NUP54: variants seen among roughly 807,000 people sequenced by gnomAD.
The protein encoded by NUP54 is nucleoporin p54.
NUP54 carries 27 observed loss-of-function variants against 66.4 expected under a neutral mutation model. That is an observed-to-expected ratio of 0.41 (90% confidence interval 0.30 to 0.56). The LOEUF (loss-of-function observed/expected upper bound fraction) is 0.56. Ranked by LOEUF, NUP54 falls within the 20% of genes least tolerant of loss-of-function variation. The probability of loss-of-function intolerance (pLI) is 0.34; values close to 1 mark genes in which losing one functional copy is unlikely to be tolerated. For synonymous variants in NUP54, 206 were observed against 210.7 expected (o/e 0.98, Z 0.19); for missense variants, 486 against 596.3 (o/e 0.82, Z 1.93).
intron 8 of NUP54, among the ~76,000 whole-genome samples, chr4:76,127,431 T>TCAA (rs1247509926): frequency 9.4e-5 from 4 of 42,508 alleles, no homozygotes. Context: ...GACCCCCATC[T>TCAA]CAAAAAAAAA....
chr4:76,117,357 T>C (rs944564768), intron 11 of NUP54, among the ~76,000 whole-genome samples: 10 of 152,200 alleles, frequency 6.6e-5, no homozygotes, highest in East Asian at 5.8e-4. Flanking sequence ...ATTTTGACTA[T>C]TGTGAATAAA....
intron 8 of NUP54, among the ~76,000 whole-genome samples, chr4:76,125,340 A>ACGCG (rs1236278261): frequency 3.0e-4 from 44 of 148,774 alleles, no homozygotes; most frequent in Non-Finnish European, 5.7e-4. Context: ...ACACACACAC[A>ACGCG]CACACACACA....
chr4:76,141,533 A>T (rs186840444), intron 3 of NUP54, among the ~76,000 whole-genome samples: 2 of 152,138 alleles, frequency 1.3e-5, no homozygotes, highest in African/African-American at 4.8e-5. Context: ...ACCTTTATCC[A>T]GTCATTCGCT....
chr4:76,135,553 C>T (rs1731003354), intron 4 of NUP54, among the ~76,000 whole-genome samples: 1 of 152,190 alleles, frequency 6.6e-6, no homozygotes, highest in Admixed American at 6.5e-5. Context: ...CTCAGCCTTA[C>T]AGCTCCAAAC....
At chr4:76,120,304 T>G (rs62299350) in intron 9 of NUP54, among the ~76,000 whole-genome samples, 19,992 of 152,110 alleles carry the variant, frequency 0.13, 1,538 homozygotes, top group East Asian at 0.35. Flanking sequence ...TTTTTCAAAA[T>G]ATCCTAATGA....
Position 76,148,383 on chromosome 4 carries a change from A to C in NUP54, c.-9T>G, listed in dbSNP as rs942088638. 2 of 1,528,566 alleles carry C rather than the reference A, an allele frequency of 1.3e-6. No individual in the cohort carries two copies. Among genetic ancestry groups the C allele is most frequent in the Non-Finnish European group, 1.8e-6 (2 of 1,137,722 alleles). The allele number at this position is 1,528,566 out of a possible 1,614,324, so 94.7% of individuals were successfully genotyped here. A position where few individuals can be genotyped will look rare whatever the true frequency, so the allele number is the denominator to read the frequency against. The stretch of plus-strand genomic sequence containing the variant: ...CCAAAATTGAAGGCCATGTCGCGAA[A>C]GCAGGAGACCAAGTAGGTTACTCCT... On this transcript the variant is annotated 5_prime_UTR_variant, in exon 1 of 12. Transcript: ENST00000264883.
intron 11 of NUP54, among the ~76,000 whole-genome samples, chr4:76,115,837 A>G (rs1050859428): frequency 6.6e-6 from 1 of 152,226 alleles, no homozygotes; most frequent in African/African-American, 2.4e-5. Flanking sequence ...TAGCAAAATA[A>G]CATTCTGAAA....
At chr4:76,122,425 C>T (rs1037624389) in intron 9 of NUP54, among the ~76,000 whole-genome samples, 1 of 152,204 alleles carries the variant, frequency 6.6e-6, no homozygotes, top group Non-Finnish European at 1.5e-5. Flanking sequence ...ACACTTCTCT[C>T]TTCATCTACA....
chr4:76,118,391 A>G (rs563984747), intron 9 of NUP54, 197 bp from the exon 10 acceptor site: 2 of 551,450 alleles, frequency 3.6e-6, no homozygotes, highest in Non-Finnish European at 6.4e-6. Flanking sequence ...ATATAGACTT[A>G]ATTGTTTTTT....
At position 76,144,280 on chromosome 4, in the gene NUP54, C is replaced by T. The variant is rs1731389848; in HGVS notation, c.164G>A (p.Gly55Asp). The change falls in exon 3 of 12, where the codon GGT (glycine) becomes GAT (aspartate). Residue 55 changes from glycine (G) to aspartate (D), a missense_variant. Physicochemically the swap from Gly to Asp is moderately conservative, Grantham distance 94. This residue lies in a region of NUP54 where 145 missense variants were observed against 137.1 expected (regional missense o/e 1.06). Coordinates refer to ENST00000264883, the MANE Select transcript of NUP54 (RefSeq NM_017426.4). ...TNTGTTGLFG[G>D]TQNKGFGFGT... ...AAATCCAAAACCTTTGTTCTGAGTA[C>T]CACCAAAGAGTCCTTTGAATGAAAA... The T allele has an allele frequency of 6.2e-7, 1 of 1,611,358 alleles. No individual in the cohort carries two copies.
At chr4:76,118,699 A>C in intron 9 of NUP54, among the ~76,000 whole-genome samples, 1 of 151,112 alleles carries the variant, frequency 6.6e-6, no homozygotes, top group Non-Finnish European at 1.5e-5. Flanking sequence ...CCAAGCCAAC[A>C]ATTTTAAAAC....
chr4:76,131,799 T>A (rs1730814739), intron 6 of NUP54, among the ~76,000 whole-genome samples: 1 of 152,046 alleles, frequency 6.6e-6, no homozygotes, highest in Admixed American at 6.6e-5. Context: ...TCTAAAGAAA[T>A]ATATACCAAT....
In NUP54 at chr4:76,114,729, A is replaced by T. The variant is rs922833703; in HGVS notation, c.*637T>A. 8 of 151,002 alleles carry T rather than the reference A, an allele frequency of 5.3e-5. No individual in the cohort carries two copies. Among genetic ancestry groups the T allele is most frequent in the African/African-American group, 1.7e-4 (7 of 41,356 alleles). The allele number at this position is 151,002 out of a possible 1,614,324, so 9.4% of individuals were successfully genotyped here. A position where few individuals can be genotyped will look rare whatever the true frequency, so the allele number is the denominator to read the frequency against. ...ATCTTTTTAGAAATAAAAAGGCTTA[A>T]AAAACAAAATGGTTGCAAAAATGGT... On this transcript the variant is annotated 3_prime_UTR_variant, in exon 12 of 12. Coordinates refer to ENST00000264883, the MANE Select transcript of NUP54 (RefSeq NM_017426.4).
intron 8 of NUP54, among the ~76,000 whole-genome samples, chr4:76,129,970 T>TTG (rs1730726368): frequency 4.8e-5 from 1 of 20,982 alleles, no homozygotes; most frequent in Non-Finnish European, 7.8e-5. Flanking sequence ...ATGAAAGTTT[T>TTG]TTTTTTTTTT....
In NUP54 at chr4:76,115,779, G is replaced by C. The variant is rs193164953; in HGVS notation, c.1396-285C>G. On this transcript the variant is annotated intron_variant, in intron 11 of 11. Transcript: ENST00000264883. ...TTCCTTTTACCAACTTTTGATAAAG[G>C]CATGATAATAAAACAGAACTCAAAG... Among the ~76,000 whole-genome samples the C allele has an allele frequency of 6.6e-5, 10 of 152,216 alleles. No homozygotes were observed. In the East Asian group the frequency reaches 1.9e-3, roughly 29 times the overall value.
rs1731039146 is a variant in NUP54 at position 76,136,349 on chromosome 4, G to A, written c.359C>T (p.Thr120Ile). The A allele has an allele frequency of 3.1e-6, 5 of 1,613,956 alleles. No individual in the cohort carries two copies. Among genetic ancestry groups the A allele is most frequent in the Non-Finnish European group, 4.2e-6 (5 of 1,179,982 alleles). Residue 120 changes from threonine (T) to isoleucine (I), a missense_variant, in exon 4 of 12, where the codon ACT becomes ATT. Thr to Ile is a moderately conservative substitution (Grantham distance 89). This residue lies in a region of NUP54 where 41 missense variants were observed against 82.7 expected (regional missense o/e 0.50). Transcript: ENST00000264883. ...APTQSNQLIN[T>I]ASALSAPTLL... ...CGTTGGAGCAGAAAGAGCACTCGCA[G>A]TATTTATCAGCTGGTTGGACTGGGT...
chr4:76,133,355 G>C (rs936273577), intron 5 of NUP54, among the ~76,000 whole-genome samples: 1 of 151,724 alleles, frequency 6.6e-6, no homozygotes, highest in African/African-American at 2.4e-5. Flanking sequence ...CCTCAGGCTG[G>C]AGTTCAGTGG....
At chr4:76,140,439 C>T (rs1484036483) in intron 3 of NUP54, among the ~76,000 whole-genome samples, 1 of 151,896 alleles carries the variant, frequency 6.6e-6, no homozygotes, top group Non-Finnish European at 1.5e-5. Context: ...GTGTGCACTA[C>T]CACGCCCATC....
rs59645599 is a variant in NUP54 at position 76,132,650 on chromosome 4, C to T, written c.780G>A (p.Thr260=). Residue 260 remains threonine (T), a synonymous_variant, in exon 6 of 12, where the codon ACG becomes ACA. Transcript: ENST00000264883. ...NGTSRRVPAT[T]LYAHFEQANI... ...TGGCTTGTTCAAAATGGGCATATAG[C>T]GTTGTAGCTGGAACTCTTCTTGAAG... 2,422 of 1,613,916 alleles carry T rather than the reference C, an allele frequency of 1.5e-3. 22 individuals are homozygous for T. The African/African-American group carries it at 0.029, about 19-fold the overall frequency.
Sources: allele counts gnomAD v4.1 joint callset (sites outside exome capture counted in the v4.1 genomes callset), GRCh38; gene constraint gnomAD v4.1.1; regional missense constraint gnomAD v4.1.1; transcripts MANE v1.5; gene names NCBI Gene and HGNC (gene_info 2026-07-23, HGNC 2026-07-21).